FRMD5: variants seen among roughly 807,000 people sequenced by gnomAD.
The protein encoded by FRMD5 is FERM domain-containing protein 5.
In FRMD5, 20 loss-of-function variants were observed where a neutral mutation model predicts 69.0. That is an observed-to-expected ratio of 0.29 (90% CI 0.20 to 0.42). The LOEUF (loss-of-function observed/expected upper bound fraction) is 0.42, where lower values mean the gene tolerates loss of function less well. Ranked by LOEUF, FRMD5 falls within the 10% of genes least tolerant of loss-of-function variation. The pLI, the probability that FRMD5 is intolerant of heterozygous loss-of-function variation, is 1.00. For synonymous variants in FRMD5, 271 were observed against 260.1 expected, an observed-to-expected ratio of 1.04 and a Z score of -0.40; for missense variants, 595 against 708.6, an observed-to-expected ratio of 0.84 and a Z score of 1.82.
intron 1 of FRMD5, among the ~76,000 whole-genome samples, chr15:44,135,946 C>A (rs994432448): frequency 2.6e-5 from 4 of 151,602 alleles, no homozygotes; most frequent in Admixed American, 1.3e-4. Context: ...ATTTAAAATA[C>A]AAATCTGACA....
At chr15:43,952,349 C>T (rs563174366) in intron 1 of FRMD5, among the ~76,000 whole-genome samples, 2 of 152,280 alleles carry the variant, frequency 1.3e-5, no homozygotes, top group South Asian at 4.2e-4. Flanking sequence ...TATTCTCTAG[C>T]ACAACCCAAT....
intron 1 of FRMD5, chr15:43,989,217 T>C: frequency 1.2e-6 from 1 of 814,552 alleles, no homozygotes; most frequent in Non-Finnish European, 2.2e-6. Flanking sequence ...TGATCTTCAT[T>C]GTGCTGGGCG....
At chr15:43,972,360 G>A (rs77190417) in intron 1 of FRMD5, among the ~76,000 whole-genome samples, 1 of 152,074 alleles carries the variant, frequency 6.6e-6, no homozygotes, top group East Asian at 1.9e-4. Flanking sequence ...AATGGAATTT[G>A]TTTGCTTGGA....
intron 1 of FRMD5, among the ~76,000 whole-genome samples, chr15:44,055,110 A>G (rs1892819623): frequency 6.6e-6 from 1 of 151,350 alleles, no homozygotes; most frequent in South Asian, 2.1e-4. Context: ...GTTTCCTAAG[A>G]TTGCACAGTT....
intron 1 of FRMD5, among the ~76,000 whole-genome samples, chr15:43,997,632 T>C (rs1889996184): frequency 7.9e-6 from 1 of 125,882 alleles, no homozygotes; most frequent in Admixed American, 9.1e-5. Context: ...AGTGGATTTT[T>C]CCCCTGGGCC....
intron 11 of FRMD5, chr15:43,885,038 G>A (rs2088629975): frequency 9.0e-6 from 4 of 444,660 alleles, no homozygotes; most frequent in Admixed American, 7.3e-5. Context: ...TTCTCATTTA[G>A]GAGTAATTCC....
At chr15:44,170,685 G>A (rs2077786664) in intron 1 of FRMD5, among the ~76,000 whole-genome samples, 1 of 152,098 alleles carries the variant, frequency 6.6e-6, no homozygotes, top group Admixed American at 6.6e-5. Flanking sequence ...TGCAAAGAAA[G>A]CAAGCTGAGT....
intron 1 of FRMD5, among the ~76,000 whole-genome samples, chr15:43,997,843 A>AAT (rs1235898143): frequency 2.6e-5 from 4 of 152,218 alleles, no homozygotes; most frequent in Admixed American, 6.5e-5. Context: ...AAACAACCAC[A>AAT]ATAAAACCAT....
Position 44,037,902 on chromosome 15 carries a change from C to A in FRMD5, c.103-113593G>T, listed in dbSNP as rs192275017. Reference sequence around the variant, plus strand: ...CACACTGTCTTCCACAATGGTTGAACTAATTTACACTCCCACCAACAAAAG... The same window carrying A: ...CACACTGTCTTCCACAATGGTTGAAATAATTTACACTCCCACCAACAAAAG... On this transcript the variant is annotated intron_variant, in intron 1 of 13. Coordinates refer to ENST00000417257, the MANE Select transcript of FRMD5 (RefSeq NM_032892.5). 1.3e-3 allele frequency among the ~76,000 whole-genome samples: 205 copies of A among 152,314 alleles called. 3 individuals are homozygous for A. Among genetic ancestry groups the A allele is most frequent in the Admixed American group, 0.012 (186 of 15,302 alleles).
At chr15:44,016,373 G>C (rs1420339154) in intron 1 of FRMD5, among the ~76,000 whole-genome samples, 1 of 152,128 alleles carries the variant, frequency 6.6e-6, no homozygotes, top group Non-Finnish European at 1.5e-5. Context: ...ATTATACCCT[G>C]AAACAGGCCA....
intron 1 of FRMD5, among the ~76,000 whole-genome samples, chr15:44,016,206 G>C (rs1890949186): frequency 6.6e-6 from 1 of 152,100 alleles, no homozygotes; most frequent in Non-Finnish European, 1.5e-5. Context: ...GGCAGATCTG[G>C]TCAGAAAAGA....
intron 1 of FRMD5, among the ~76,000 whole-genome samples, chr15:44,042,861 C>T (rs1009035161): frequency 6.6e-6 from 1 of 152,200 alleles, no homozygotes; most frequent in East Asian, 1.9e-4. Context: ...CCTTTGAAAA[C>T]CGGCACAAGA....
At chr15:44,177,597 G>C (rs555618030) in intron 1 of FRMD5, among the ~76,000 whole-genome samples, 2 of 152,184 alleles carry the variant, frequency 1.3e-5, no homozygotes, top group Admixed American at 6.5e-5. Context: ...ATGAGTACAA[G>C]GTTTATTTTG....
chr15:43,952,868 A>G (rs1294520437), intron 1 of FRMD5, among the ~76,000 whole-genome samples: 3 of 152,224 alleles, frequency 2.0e-5, no homozygotes, highest in African/African-American at 7.2e-5. Flanking sequence ...TGGCTCCTTG[A>G]GGAAAACTGT....
chr15:44,026,658 A>T (rs1891442435), intron 1 of FRMD5, among the ~76,000 whole-genome samples: 1 of 152,224 alleles, frequency 6.6e-6, no homozygotes, highest in Non-Finnish European at 1.5e-5. Flanking sequence ...CCAAGGTTTG[A>T]GCATGATGAA....
chr15:44,026,856 AAATG>A (rs1382464118), intron 1 of FRMD5, among the ~76,000 whole-genome samples: 1 of 152,244 alleles, frequency 6.6e-6, no homozygotes, highest in East Asian at 1.9e-4. Flanking sequence ...AGATTAGCTA[AAATG>A]ATCACTGTGG....
At chr15:44,118,428 A>G (rs2076901086) in intron 1 of FRMD5, among the ~76,000 whole-genome samples, 1 of 152,166 alleles carries the variant, frequency 6.6e-6, no homozygotes. Flanking sequence ...TCCTCTGACC[A>G]CTACAAGGCC....
At chr15:44,110,381 T>C (rs2076780557) in intron 1 of FRMD5, among the ~76,000 whole-genome samples, 1 of 152,190 alleles carries the variant, frequency 6.6e-6, no homozygotes, top group South Asian at 2.1e-4. Context: ...TGTGTGGATG[T>C]AAGTTTTCAG....
At chr15:43,919,646 G>A (rs1566835839) in intron 3 of FRMD5, 109 bp from the exon 4 acceptor site, 2 of 1,437,256 alleles carry the variant, frequency 1.4e-6, no homozygotes, top group African/African-American at 2.8e-5. Flanking sequence ...TATATTTAGG[G>A]CCAACTTATA....
Sources: allele counts gnomAD v4.1 joint callset (sites outside exome capture counted in the v4.1 genomes callset), GRCh38; gene constraint gnomAD v4.1.1; transcripts MANE v1.5; gene names NCBI Gene and HGNC (gene_info 2026-07-23, HGNC 2026-07-21).